The following TCF25 variants were observed in gnomAD, a reference collection of about 807,000 sequenced individuals.
TCF25 encodes the protein ribosome quality control complex subunit TCF25.
A neutral mutation model predicts 83.1 loss-of-function variants in TCF25; 41 were observed. That is an observed-to-expected ratio of 0.49 (90% confidence interval 0.38 to 0.64). TCF25 has a LOEUF of 0.64. Among genes scored for constraint, TCF25 ranks in the 30% least tolerant of loss-of-function variants. The pLI is 0.00. For missense variants in TCF25, 979 were observed against 914.5 expected (o/e 1.07, Z -0.91); for synonymous variants, 458 against 365.0 (o/e 1.25, Z -2.90).
intron 14 of TCF25, among the ~76,000 whole-genome samples, chr16:89,905,585 C>T (rs1335218801): frequency 6.6e-6 from 1 of 152,228 alleles, no homozygotes; most frequent in African/African-American, 2.4e-5. Flanking sequence ...CACCGTGGCT[C>T]TGTGCAGTGG....
At chr16:89,898,512 C>G (rs779441852) in intron 9 of TCF25, 45 bp from the exon 10 acceptor site, 7 of 1,466,360 alleles carry the variant, frequency 4.8e-6, no homozygotes, top group Non-Finnish European at 5.6e-6. Flanking sequence ...AGAGAGCATT[C>G]TCCTTTGTGT....
At chr16:89,905,255 C>G (rs942827870) in intron 14 of TCF25, among the ~76,000 whole-genome samples, 159 bp downstream of exon 14, 3 of 152,186 alleles carry the variant, frequency 2.0e-5, no homozygotes, top group Non-Finnish European at 4.4e-5. Context: ...CGCACAGCCC[C>G]TGGCGTGTCC....
intron 7 of TCF25, among the ~76,000 whole-genome samples, chr16:89,894,202 C>G (rs2043646538): frequency 6.6e-6 from 1 of 151,818 alleles, no homozygotes; most frequent in African/African-American, 2.4e-5. Context: ...GCGAGCAGCT[C>G]AGATTCCCGG....
At chr16:89,882,046 G>A (rs1023778284) in intron 1 of TCF25, among the ~76,000 whole-genome samples, 10 of 151,996 alleles carry the variant, frequency 6.6e-5, no homozygotes, top group Non-Finnish European at 8.8e-5. Context: ...CACCGCCACC[G>A]TGCCCGGTCA....
chr16:89,901,529 A>G (rs2044333816), intron 12 of TCF25, among the ~76,000 whole-genome samples: 1 of 134,966 alleles, frequency 7.4e-6, no homozygotes, highest in African/African-American at 2.7e-5. Context: ...GCGGATCACG[A>G]GGTCAGGAGA....
chr16:89,891,302 T>C (rs537079977), intron 5 of TCF25, among the ~76,000 whole-genome samples: 2 of 152,350 alleles, frequency 1.3e-5, no homozygotes, highest in African/African-American at 4.8e-5. Flanking sequence ...CTGACTCTCC[T>C]AGGCCTGGGC....
At chr16:89,898,361 T>C (rs113637792) in intron 9 of TCF25, among the ~76,000 whole-genome samples, 196 bp from the exon 10 acceptor site, 6,332 of 86,328 alleles carry the variant, frequency 0.073, 604 homozygotes, top group African/African-American at 0.29. Context: ...GGAGCGGGTG[T>C]TGACTGGGGC....
chr16:89,885,657 C>T (rs2042948817), intron 3 of TCF25, among the ~76,000 whole-genome samples, 191 bp from the exon 4 acceptor site: 1 of 152,168 alleles, frequency 6.6e-6, no homozygotes, highest in South Asian at 2.1e-4. Context: ...TCTGTCTATG[C>T]TGAGCGCTTC....
rs757200510 is a variant in TCF25, at chr16:89,873,711, G to C, written c.44G>C (p.Gly15Ala). The C allele has an allele frequency of 1.9e-6, 3 of 1,610,318 alleles. No homozygotes were observed. Among genetic ancestry groups the C allele is most frequent in the Admixed American group, 3.3e-5 (2 of 59,854 alleles). Residue 15 changes from glycine to alanine, a missense_variant, in exon 1 of 18, where the codon GGC becomes GCC. Physicochemically the swap from Gly to Ala is moderately conservative, Grantham distance 60. Transcript: ENST00000263346. ...CGGAGGCTGAGGGGGGAACAGCGCGGCCAGGAGCCCCTCGGGCCCGGCGCC... is the reference window on the plus strand; with the variant it reads ...CGGAGGCTGAGGGGGGAACAGCGCGCCCAGGAGCCCCTCGGGCCCGGCGCC... ...ALRRLRGEQR[G>A]QEPLGPGALH...
intron 13 of TCF25, chr16:89,904,712 C>A: frequency 1.5e-6 from 1 of 677,838 alleles, no homozygotes; most frequent in Non-Finnish European, 2.7e-6. Flanking sequence ...ATTTCTGTGA[C>A]GTCAGTCCTG....
chr16:89,885,045 C>T (rs577495172), intron 3 of TCF25, among the ~76,000 whole-genome samples: 1 of 133,212 alleles, frequency 7.5e-6, no homozygotes, highest in African/African-American at 2.8e-5. Context: ...GCCTGACGCC[C>T]CTCTCCCTCT....
intron 12 of TCF25, among the ~76,000 whole-genome samples, chr16:89,903,495 AC>A (rs1324300533): frequency 1.3e-5 from 2 of 151,248 alleles, no homozygotes; most frequent in South Asian, 2.1e-4. Context: ...ACACGGTGAA[AC>A]CCTTTCTCTA....
intron 14 of TCF25, 133 bp from the exon 15 acceptor site, chr16:89,906,061 T>C: frequency 1.3e-6 from 1 of 777,518 alleles, no homozygotes; most frequent in Non-Finnish European, 2.1e-6. Flanking sequence ...GAGTAAAGTG[T>C]ACAGTTTTTG....
chr16:89,874,296 T>C (rs2041991788), intron 1 of TCF25, among the ~76,000 whole-genome samples: 1 of 127,844 alleles, frequency 7.8e-6, no homozygotes, highest in African/African-American at 3.1e-5. Context: ...GCCGTGACGC[T>C]AAAGGGCGTG....
At chr16:89,890,956 G>A (rs1229871543) in intron 5 of TCF25, among the ~76,000 whole-genome samples, 1 of 152,052 alleles carries the variant, frequency 6.6e-6, no homozygotes, top group Non-Finnish European at 1.5e-5. Context: ...GCTCCTCCAA[G>A]ACAAAGACCT....
chr16:89,908,244 C>CCCACCTT (rs2045137152), intron 16 of TCF25, among the ~76,000 whole-genome samples: 1 of 113,812 alleles, frequency 8.8e-6, no homozygotes, highest in African/African-American at 3.8e-5. Flanking sequence ...GTTCCCACCT[C>CCCACCTT]CCAGCTCCCA....
At chr16:89,894,323 A>G (rs1263535251) in intron 7 of TCF25, among the ~76,000 whole-genome samples, 1 of 137,042 alleles carries the variant, frequency 7.3e-6, no homozygotes, top group Non-Finnish European at 1.5e-5. Flanking sequence ...AACCCTGGAC[A>G]GCCCTCATGC....
chr16:89,897,389 G>C (rs1264638786), intron 9 of TCF25, among the ~76,000 whole-genome samples: 1 of 152,216 alleles, frequency 6.6e-6, no homozygotes, highest in Non-Finnish European at 1.5e-5. Flanking sequence ...TCTGTCCGCT[G>C]TCCTGCCTCT....
Position 89,906,272 on chromosome 16 carries a change from T to C in TCF25, c.1707T>C (p.Ala569=). The change falls in exon 15 of 18, where the codon GCT becomes GCC. Residue 569 remains alanine (A), a synonymous_variant. Coordinates refer to ENST00000263346, the MANE Select transcript of TCF25 (RefSeq NM_014972.3). ...VILSEIKEAV[A]ALPPDVTTQS... ...TCTCTGAGATCAAGGAAGCCGTCGCTGCCCTGCCCCCGGTAAGGGAGAAAG... is the reference window on the plus strand; with the variant it reads ...TCTCTGAGATCAAGGAAGCCGTCGCCGCCCTGCCCCCGGTAAGGGAGAAAG... The C allele has an allele frequency of 6.2e-7, 1 of 1,613,178 alleles. No individual in the cohort carries two copies. The highest frequency in any genetic ancestry group is 1.1e-5 in the South Asian group (1 of 91,030).
Sources: allele counts gnomAD v4.1 joint callset (sites outside exome capture counted in the v4.1 genomes callset), GRCh38; gene constraint gnomAD v4.1.1; transcripts MANE v1.5; gene names NCBI Gene and HGNC (gene_info 2026-07-23, HGNC 2026-07-21).